Variants in PAGE2B observed in about 807,000 individuals in gnomAD.
PAGE2B encodes the protein PAGE family member 2B, also known as putative G antigen family E member 3.
A neutral mutation model predicts 7.6 loss-of-function variants in PAGE2B; 5 were observed. The observed-to-expected ratio is 0.66, with a 90% CI of 0.34 to 1.38. The LOEUF is 1.38. Ranked by LOEUF, PAGE2B falls within the 40% of genes most tolerant of loss-of-function variation. The probability of loss-of-function intolerance (pLI) is 0.04; values close to 1 mark genes in which losing one functional copy is unlikely to be tolerated. For missense variants in PAGE2B, 70 were observed against 78.4 expected (o/e 0.89, Z 0.41); for synonymous variants, 29 against 26.7 (o/e 1.09, Z -0.27).
the PAGE2B span, among the ~76,000 whole-genome samples, chrX:55,058,785 CTG>C: frequency 1.4e-3 from 155 of 111,269 alleles, no homozygotes; most frequent in African/African-American, 4.8e-3. Context: ...TTTCTGAAGA[CTG>C]TGTTTTTCTG....
the PAGE2B span, among the ~76,000 whole-genome samples, chrX:55,044,456 G>A: frequency 9.0e-6 from 1 of 111,452 alleles, no homozygotes; most frequent in Non-Finnish European, 1.9e-5. Context: ...GGACTTGGGG[G>A]GAAGGGTGGA....
the PAGE2B span, among the ~76,000 whole-genome samples, chrX:55,054,723 C>T: frequency 3.6e-5 from 4 of 112,041 alleles, no homozygotes; most frequent in Non-Finnish European, 5.6e-5. Context: ...TAAGTTCTGT[C>T]ATAGACAGAA....
the PAGE2B span, among the ~76,000 whole-genome samples, chrX:55,068,305 C>G: frequency 8.9e-6 from 1 of 111,945 alleles, no homozygotes; most frequent in African/African-American, 3.3e-5. Flanking sequence ...AATCCTTTCC[C>G]CATTGCTTGT....
At chrX:55,063,103 T>A in the PAGE2B span, among the ~76,000 whole-genome samples, 1 of 111,625 alleles carries the variant, frequency 9.0e-6, no homozygotes, top group Non-Finnish European at 1.9e-5. Flanking sequence ...TGGTTCCATA[T>A]AAATTTTAGA....
chrX:55,073,234 T>C (rs756737301), upstream of PAGE2B, among the ~76,000 whole-genome samples: 4 of 111,931 alleles, frequency 3.6e-5, no homozygotes, highest in Non-Finnish European at 7.5e-5. Flanking sequence ...GGTCTGCAGA[T>C]TGCAAAAACT....
chrX:55,051,981 G>A, the PAGE2B span, among the ~76,000 whole-genome samples: 44 of 111,734 alleles, frequency 3.9e-4, no homozygotes, highest in Non-Finnish European at 7.2e-4. Flanking sequence ...GTACAGATGG[G>A]TTTTTGGTGT....
At chrX:55,034,899 C>T in the PAGE2B span, among the ~76,000 whole-genome samples, 1 of 110,051 alleles carries the variant, frequency 9.1e-6, no homozygotes, top group Non-Finnish European at 1.9e-5. Context: ...CGAGGAGCAA[C>T]GAAGCCAGTC....
At chrX:55,034,746 C>T in the PAGE2B span, among the ~76,000 whole-genome samples, 1 of 108,966 alleles carries the variant, frequency 9.2e-6, no homozygotes, top group Non-Finnish European at 1.9e-5. Flanking sequence ...CACACACACA[C>T]ACACACACGT....
chrX:55,074,011 GT>G (rs939228534), upstream of PAGE2B, among the ~76,000 whole-genome samples: 5 of 111,497 alleles, frequency 4.5e-5, no homozygotes, highest in Non-Finnish European at 9.4e-5. Context: ...ACATAGTGGA[GT>G]AGAAGCAAAC....
the PAGE2B span, among the ~76,000 whole-genome samples, chrX:55,065,412 C>T: frequency 9.0e-6 from 1 of 111,575 alleles, no homozygotes; most frequent in South Asian, 3.7e-4. Flanking sequence ...TATCTTTTCC[C>T]ATCCCATTAT....
the PAGE2B span, among the ~76,000 whole-genome samples, chrX:55,063,814 A>G: frequency 9.0e-6 from 1 of 111,491 alleles, no homozygotes; most frequent in Non-Finnish European, 1.9e-5. Context: ...TGAAATGATC[A>G]TATGGTTTTC....
the PAGE2B span, among the ~76,000 whole-genome samples, chrX:55,053,893 A>G: frequency 2.7e-5 from 3 of 112,530 alleles, no homozygotes; most frequent in African/African-American, 9.7e-5. Context: ...GGGTTCTCAC[A>G]ATATAAGCTG....
the PAGE2B span, among the ~76,000 whole-genome samples, chrX:55,065,884 T>C: frequency 1.8e-5 from 2 of 111,923 alleles, no homozygotes; most frequent in Non-Finnish European, 3.8e-5. Flanking sequence ...TAACTCTTTG[T>C]AGTTTATCTT....
At chrX:55,062,037 G>A in the PAGE2B span, among the ~76,000 whole-genome samples, 1 of 111,699 alleles carries the variant, frequency 9.0e-6, no homozygotes, top group Non-Finnish European at 1.9e-5. Context: ...TGGATATTGA[G>A]AATAGTGCTG....
the PAGE2B span, among the ~76,000 whole-genome samples, chrX:55,042,996 A>C: frequency 1.8e-5 from 2 of 111,462 alleles, no homozygotes; most frequent in African/African-American, 6.5e-5. Flanking sequence ...AAAAATAGGC[A>C]TATATATCAA....
the PAGE2B span, among the ~76,000 whole-genome samples, chrX:55,028,227 T>C: frequency 7.7e-3 from 848 of 110,737 alleles, 10 homozygotes; most frequent in African/African-American, 0.026. Context: ...TTTATCGCCA[T>C]TGGGGTCTGA....
chrX:55,065,372 T>C, the PAGE2B span, among the ~76,000 whole-genome samples: 1 of 111,877 alleles, frequency 8.9e-6, no homozygotes, highest in African/African-American at 3.2e-5. Flanking sequence ...TAGCTACTCC[T>C]GCTCTTTTTT....
the PAGE2B span, among the ~76,000 whole-genome samples, chrX:55,056,528 T>A: frequency 9.0e-6 from 1 of 110,748 alleles, no homozygotes; most frequent in East Asian, 2.9e-4. Flanking sequence ...CCCCTTAAGA[T>A]GGGATAAGGG....
At chrX:55,030,826 A>G in the PAGE2B span, 1 of 187,600 alleles carries the variant, frequency 5.3e-6, no homozygotes, top group Non-Finnish European at 1.1e-5. Context: ...GACAGATTCT[A>G]AGAAACAAAC....
Sources: gnomAD v4.1 joint callset for allele counts (sites outside exome capture counted in the v4.1 genomes callset) on GRCh38, gnomAD v4.1.1 for gene constraint, MANE v1.5 for transcripts, NCBI Gene and HGNC (gene_info 2026-07-23, HGNC 2026-07-21) for gene names.